Variants in NELFB observed in about 807,000 individuals in gnomAD.
The protein encoded by NELFB is negative elongation factor B.
A neutral mutation model predicts 60.2 loss-of-function variants in NELFB; 34 were observed. The ratio of observed to expected loss-of-function variants is 0.56; its 90% confidence interval spans 0.43 to 0.75. The LOEUF (loss-of-function observed/expected upper bound fraction) is 0.75, where lower values mean the gene tolerates loss of function less well. Among genes scored for constraint, NELFB ranks in the 30% least tolerant of loss-of-function variants. NELFB has a pLI of 0.00. For synonymous variants in NELFB, 459 were observed against 382.1 expected, an observed-to-expected ratio of 1.20 and a Z score of -2.35; for missense variants, 770 against 831.6, an observed-to-expected ratio of 0.93 and a Z score of 0.91.
At chr9:137,263,902 C>T (rs904402170) in intron 5 of NELFB, among the ~76,000 whole-genome samples, 3 of 152,190 alleles carry the variant, frequency 2.0e-5, no homozygotes, top group Admixed American at 6.5e-5. Flanking sequence ...TCCCTTCATA[C>T]GGACCCTCCA....
chr9:137,264,416 G>A (rs1435315325), intron 6 of NELFB, 59 bp downstream of exon 6: 3 of 1,310,292 alleles, frequency 2.3e-6, no homozygotes, highest in African/African-American at 1.5e-5. Flanking sequence ...TCCGGTCTGC[G>A]CTTGCTGTGT....
intron 10 of NELFB, among the ~76,000 whole-genome samples, chr9:137,268,200 C>T (rs143578140): frequency 2.6e-3 from 390 of 151,924 alleles, no homozygotes; most frequent in African/African-American, 9.0e-3. Context: ...AGACCCTGGG[C>T]TCTTCCTTGC....
rs781046563 is a variant in NELFB at position 137,256,986 on chromosome 9, T to C, written c.673T>C (p.Phe225Leu). Residue 225 changes from phenylalanine (F) to leucine (L), a missense_variant, in exon 4 of 13, where the codon TTC becomes CTC. Coordinates refer to ENST00000343053, the MANE Select transcript of NELFB (RefSeq NM_015456.5). ...CATCCTGGAGAAGGAGAGCGCTCTC[T>C]TCAGTACAGAGCTCTCTGTCCTGCA... 1.2e-6 allele frequency: 2 copies of C among 1,614,066 alleles called. No individual in the cohort carries two copies. The highest frequency in any genetic ancestry group is 1.7e-5 in the Admixed American group (1 of 60,032).
chr9:137,261,346 A>T (rs1036677528), intron 4 of NELFB, among the ~76,000 whole-genome samples: 1 of 147,950 alleles, frequency 6.8e-6, no homozygotes, highest in East Asian at 2.2e-4. Flanking sequence ...TTTCAAAAAA[A>T]AAAAAAAAAA....
At chr9:137,268,550 C>G (rs979454935) in intron 10 of NELFB, among the ~76,000 whole-genome samples, 1 of 152,178 alleles carries the variant, frequency 6.6e-6, no homozygotes, top group Non-Finnish European at 1.5e-5. Flanking sequence ...TGCACTATTG[C>G]ACTCCAGCCC....
intron 4 of NELFB, among the ~76,000 whole-genome samples, chr9:137,257,818 CTTT>C (rs1837580518): frequency 2.4e-5 from 2 of 82,134 alleles, no homozygotes; most frequent in Admixed American, 1.4e-4. Flanking sequence ...CTTTTTTTTT[CTTT>C]TTTAAGAGAC....
chr9:137,266,248 G>T (rs1830516050), intron 7 of NELFB, 83 bp from the exon 8 acceptor site: 2 of 1,226,868 alleles, frequency 1.6e-6, no homozygotes, highest in Non-Finnish European at 2.3e-6. Context: ...CAGAGATCCT[G>T]CTGAGTAACG....
intron 7 of NELFB, 62 bp from the exon 8 acceptor site, chr9:137,266,269 G>T: frequency 2.1e-6 from 3 of 1,445,154 alleles, no homozygotes; most frequent in South Asian, 2.4e-5. Context: ...AGTAGGGTCA[G>T]AGGAGCTCCA....
intron 10 of NELFB, among the ~76,000 whole-genome samples, chr9:137,270,639 T>A (rs1447250237): frequency 1.4e-5 from 2 of 147,882 alleles, no homozygotes; most frequent in Non-Finnish European, 1.5e-5. Flanking sequence ...TTTAAAAAAC[T>A]GGCCAGGCAT....
rs1830512998 is a variant in NELFB, at chr9:137,265,922, G to A, written c.1086G>A (p.Leu362=). 2 of 1,613,122 alleles carry A rather than the reference G, an allele frequency of 1.2e-6. No individual in the cohort carries two copies. The highest frequency in any genetic ancestry group is 2.7e-5 in the African/African-American group (2 of 74,944). Residue 362 remains leucine, a synonymous_variant, in exon 7 of 13, where the codon CTG becomes CTA. Transcript: ENST00000343053. ...GTGACCCCTTCGCCATCAACACGCT[G>A]GCACTGAGCACAGTCAGGCACCTGC... is the stretch of plus-strand genomic sequence containing the variant.
chr9:137,265,898 T>G lies in NELFB; in HGVS notation c.1062T>G (p.Cys354Trp), dbSNP rs774945311. 5.0e-6 allele frequency: 8 copies of G among 1,613,126 alleles called. No homozygotes were observed. The highest frequency in any genetic ancestry group is 6.8e-6 in the Non-Finnish European group (8 of 1,179,854). Reference sequence around the variant, plus strand: ...CCAGGGACCTGTCCATGATCCTGTGTGACCCCTTCGCCATCAACACGCTGG... The same window carrying G: ...CCAGGGACCTGTCCATGATCCTGTGGGACCCCTTCGCCATCAACACGCTGG... The change falls in exon 7 of 13, where the codon TGT becomes TGG. Residue 354 changes from cysteine to tryptophan, a missense_variant. Cys to Trp is a radical substitution (Grantham distance 215). Transcript: ENST00000343053.
At chr9:137,263,016 T>C (rs1830471200) in intron 4 of NELFB, 21 bp from the exon 5 acceptor site, 1 of 1,606,794 alleles carries the variant, frequency 6.2e-7, no homozygotes. Flanking sequence ...TCTGGGGGCC[T>C]GACAGTGCCT....
At chr9:137,257,557 C>G (rs1837575932) in intron 4 of NELFB, among the ~76,000 whole-genome samples, 1 of 148,184 alleles carries the variant, frequency 6.7e-6, no homozygotes, top group African/African-American at 2.5e-5. Flanking sequence ...GGCTGGAGTG[C>G]AATGGCGTGA....
intron 4 of NELFB, among the ~76,000 whole-genome samples, chr9:137,261,819 G>A (rs951551623): frequency 5.9e-5 from 9 of 151,928 alleles, no homozygotes; most frequent in South Asian, 2.1e-4. Context: ...ACCAAGACGC[G>A]GAGACTGGTA....
At chr9:137,256,245 G>C in intron 2 of NELFB, 84 bp from the exon 3 acceptor site, 1 of 1,431,994 alleles carries the variant, frequency 7.0e-7, no homozygotes, top group East Asian at 2.3e-5. Context: ...GCTTGTCCTG[G>C]TAGCTGTTAT....
intron 4 of NELFB, among the ~76,000 whole-genome samples, chr9:137,261,916 GGTA>G (rs1224632164): frequency 2.0e-5 from 3 of 152,046 alleles, no homozygotes; most frequent in Non-Finnish European, 4.4e-5. Context: ...TCCAATGATA[GGTA>G]AGGTCACGTG....
chr9:137,262,253 A>C (rs1830457397), intron 4 of NELFB, among the ~76,000 whole-genome samples: 1 of 152,118 alleles, frequency 6.6e-6, no homozygotes, highest in African/African-American at 2.4e-5. Flanking sequence ...CCCCGGGGAA[A>C]GGGAGACTCC....
At chr9:137,263,688 G>C (rs978837258) in intron 5 of NELFB, among the ~76,000 whole-genome samples, 23 of 151,862 alleles carry the variant, frequency 1.5e-4, no homozygotes, top group Non-Finnish European at 5.9e-5. Flanking sequence ...CCCTGCATCT[G>C]AGCCAGAGAC....
chr9:137,267,707 T>A (rs1229557843), intron 10 of NELFB, among the ~76,000 whole-genome samples: 1 of 152,098 alleles, frequency 6.6e-6, no homozygotes, highest in African/African-American at 2.4e-5. Flanking sequence ...TTGGTTGGGC[T>A]GGTCTCGAAC....
Sources: gnomAD v4.1 joint callset for allele counts (sites outside exome capture counted in the v4.1 genomes callset) on GRCh38, gnomAD v4.1.1 for gene constraint, MANE v1.5 for transcripts, NCBI Gene and HGNC (gene_info 2026-07-23, HGNC 2026-07-21) for gene names.